PRDX2: variants seen among roughly 807,000 people sequenced by gnomAD.
PRDX2 encodes peroxiredoxin-2.
In PRDX2, 10 loss-of-function variants were observed where a neutral mutation model predicts 19.8. The observed-to-expected ratio is 0.50, with a 90% CI of 0.31 to 0.86. The LOEUF (loss-of-function observed/expected upper bound fraction) is 0.86, where lower values mean the gene tolerates loss of function less well. PRDX2 is among the 40% of genes least tolerant of loss of function. PRDX2 has a pLI of 0.04. For synonymous variants in PRDX2, 118 were observed against 108.2 expected (o/e 1.09, Z -0.56); for missense variants, 226 against 260.1 (o/e 0.87, Z 0.90).
At chr19:12,800,437 C>T in intron 3 of PRDX2, 138 bp from the exon 4 acceptor site, 2 of 1,176,122 alleles carry the variant, frequency 1.7e-6, no homozygotes, top group Non-Finnish European at 2.4e-6. Context: ...CTCACCCACC[C>T]CACCCTGGGT....
intron 3 of PRDX2, chr19:12,800,640 A>G (rs1217133933): frequency 7.2e-7 from 1 of 1,379,552 alleles, no homozygotes; most frequent in African/African-American, 1.5e-5. Context: ...TTCCATCTTC[A>G]TGAAATAGGG....
intron 5 of PRDX2, among the ~76,000 whole-genome samples, chr19:12,798,650 C>CTT (rs1473836290): frequency 7.7e-6 from 1 of 129,112 alleles, no homozygotes; most frequent in African/African-American, 3.5e-5. Context: ...TGCATCTGGC[C>CTT]TCTTTTTTTT....
At position 12,799,958 on chromosome 19, in the gene PRDX2, G is replaced by T. The variant is rs770056413; in HGVS notation, c.412C>A (p.Leu138Ile). Residue 138 changes from leucine to isoleucine, a missense_variant, in exon 5 of 6, where the codon CTT becomes ATT. Coordinates refer to ENST00000301522, the MANE Select transcript of PRDX2 (RefSeq NM_005809.6). ...GLFIIDGKGV[L>I]RQITVNDLPV... ...AAATCATTAACAGTGATCTGGCGAA[G>T]GACACCCTTGCCATCGATGATAAAG... is the stretch of plus-strand genomic sequence containing the variant. The T allele has an allele frequency of 1.2e-6, 2 of 1,613,976 alleles. No homozygotes were observed. The highest frequency in any genetic ancestry group is 1.7e-6 in the Non-Finnish European group (2 of 1,179,962).
Position 12,800,978 on chromosome 19 carries a change from G to C in PRDX2, c.195C>G (p.Phe65Leu), listed in dbSNP as rs1392275167. ...IIAFSNRAEDFRKLGCEVLGV... is the reference protein window; with the variant it reads ...IIAFSNRAEDLRKLGCEVLGV... ...CCAGCACTTCACAGCCCAGCTTGCG[G>C]AAGTCCTCTGCACGGTTGCTGAACG... The change falls in exon 3 of 6, where the codon TTC becomes TTG. Residue 65 changes from phenylalanine (F) to leucine (L), a missense_variant. Physicochemically the swap from Phe to Leu is conservative, Grantham distance 22 (BLOSUM62 0). Transcript: ENST00000301522. 6.2e-7 allele frequency: 1 copy of C among 1,612,122 alleles called. No individual in the cohort carries two copies. The highest frequency in any genetic ancestry group is 2.2e-5 in the East Asian group (1 of 44,890).
At chr19:12,798,340 C>T (rs957836027) in intron 5 of PRDX2, among the ~76,000 whole-genome samples, 4 of 149,596 alleles carry the variant, frequency 2.7e-5, no homozygotes, top group African/African-American at 7.4e-5. Context: ...CCACCGTGCC[C>T]GGCCTCTTTT....
Position 12,800,945 on chromosome 19 carries a change from C to G in PRDX2, c.228G>C (p.Ser76=), listed in dbSNP as rs376098373. The G allele has an allele frequency of 6.2e-7, 1 of 1,611,040 alleles. No individual in the cohort carries two copies. The highest frequency in any genetic ancestry group is 8.5e-7 in the Non-Finnish European group (1 of 1,179,550). ...CCAGGTGGGTGAACTGAGAGTCCAC[C>G]GAGACGCCCAGCACTTCACAGCCCA... The part of the protein sequence containing the change: ...RKLGCEVLGV[S]VDSQFTHLAW... The change falls in exon 3 of 6, where the codon TCG becomes TCC. Residue 76 remains serine, a synonymous_variant. Coordinates refer to ENST00000301522, the MANE Select transcript of PRDX2 (RefSeq NM_005809.6).
Position 12,800,701 on chromosome 19 carries a change from A to C in PRDX2, c.257+215T>G, listed in dbSNP as rs377076557. 110 of 1,469,072 alleles carry C rather than the reference A, an allele frequency of 7.5e-5. No homozygotes were observed. The African/African-American group carries it at 1.5e-3, about 20-fold the overall frequency. 91.0% of individuals were successfully genotyped at this position (1,469,072 alleles called of 1,614,324 possible). ...AAGTACATAGAGTAGATAGAGTTGC[A>C]TCTGAGTTGCATCTGCAACTCTATA... On this transcript the variant is annotated intron_variant, in intron 3 of 5. Transcript: ENST00000301522.
chr19:12,800,464 AT>A, intron 3 of PRDX2, 165 bp from the exon 4 acceptor site: 1 of 947,380 alleles, frequency 1.1e-6, no homozygotes, highest in Non-Finnish European at 1.6e-6. Context: ...CAAGGACTGT[AT>A]CCCCATGGCT....
At chr19:12,798,087 C>T (rs1433826453) in intron 5 of PRDX2, among the ~76,000 whole-genome samples, 1 of 151,894 alleles carries the variant, frequency 6.6e-6, no homozygotes, top group Non-Finnish European at 1.5e-5. Context: ...CTCTGTTGCC[C>T]AGGCTGGAGT....
chr19:12,800,342 C>T (rs747649815), intron 3 of PRDX2, 43 bp from the exon 4 acceptor site: 1 of 1,594,228 alleles, frequency 6.3e-7, no homozygotes, highest in East Asian at 2.2e-5. Context: ...GGATGCCTGG[C>T]ACAGCAGGGT....
Position 12,798,652 on chromosome 19 carries a change from C to CTTTTT in PRDX2, c.511+1202_511+1206dup, listed in dbSNP as rs1014273912. 7.1e-4 allele frequency among the ~76,000 whole-genome samples: 68 copies of CTTTTT among 95,152 alleles called. 1 individual carries two copies. Among genetic ancestry groups the CTTTTT allele is most frequent in the African/African-American group, 2.7e-3 (62 of 22,598 alleles). 62.4% of individuals were successfully genotyped at this position (95,152 alleles called of 152,430 possible). ...AGGTGTGAGCCACTGCATCTGGCCT[C>CTTTTT]TTTTTTTTTTTTTTTTTTTTTAACC... On this transcript the variant is annotated intron_variant, in intron 5 of 5. Coordinates refer to ENST00000301522, the MANE Select transcript of PRDX2 (RefSeq NM_005809.6).
At chr19:12,801,573 C>A (rs933627645) in intron 1 of PRDX2, among the ~76,000 whole-genome samples, 167 bp downstream of exon 1, 2 of 152,220 alleles carry the variant, frequency 1.3e-5, no homozygotes, top group Non-Finnish European at 2.9e-5. Flanking sequence ...GGCGGGAAGT[C>A]GGGCGATCAG....
Position 12,800,989 on chromosome 19 carries a change from C to A in PRDX2, c.184G>T (p.Ala62Ser). 3.1e-6 allele frequency: 5 copies of A among 1,612,488 alleles called. No individual in the cohort carries two copies. In the East Asian group the frequency reaches 6.7e-5, roughly 22 times the overall value. ...CAGCCCAGCTTGCGGAAGTCCTCTG[C>A]ACGGTTGCTGAACGCGATGATCTCG... ...PTEIIAFSNR[A>S]EDFRKLGCEV... The change falls in exon 3 of 6, where the codon GCA becomes TCA. Residue 62 changes from alanine to serine, a missense_variant. Transcript: ENST00000301522.
intron 3 of PRDX2, chr19:12,800,531 T>G: frequency 1.3e-6 from 1 of 787,456 alleles, no homozygotes; most frequent in Non-Finnish European, 1.9e-6. Flanking sequence ...CATGTACTTG[T>G]AACTTGCAGC....
At position 12,801,035 on chromosome 19, in the gene PRDX2, G is replaced by A. The variant is rs1265401929; in HGVS notation, c.138C>T (p.Asp46=). ...TCTCGGTGGGGCACACAAAAGTGAA[G>A]TCCAGAGGGTAGAAAAAGAGGACCA... ...KYVVLFFYPL[D]FTFVCPTEII... is the part of the protein sequence containing the mutation. The change falls in exon 3 of 6, where the codon GAC becomes GAT. Residue 46 remains aspartate, a synonymous_variant. Coordinates refer to ENST00000301522, the MANE Select transcript of PRDX2 (RefSeq NM_005809.6). The A allele has an allele frequency of 6.2e-7, 1 of 1,601,684 alleles. No individual in the cohort carries two copies. Among genetic ancestry groups the A allele is most frequent in the Admixed American group, 1.7e-5 (1 of 59,028 alleles).
In PRDX2 at chr19:12,800,798, T is replaced by C. The variant is rs1346891785; in HGVS notation, c.257+118A>G. 6 of 1,548,512 alleles carry C rather than the reference T, an allele frequency of 3.9e-6. No individual in the cohort carries two copies. In the Admixed American group the frequency reaches 1.2e-4, roughly 31 times the overall value. On this transcript the variant is annotated intron_variant, in intron 3 of 5. Transcript: ENST00000301522. ...AAGACTTGGGCGGCAATGTTTCCATTATTTTCACGATGGGGAAACGCAGGT... is the reference window on the plus strand; with the variant it reads ...AAGACTTGGGCGGCAATGTTTCCATCATTTTCACGATGGGGAAACGCAGGT...
intron 5 of PRDX2, among the ~76,000 whole-genome samples, chr19:12,799,153 C>T (rs1387730434): frequency 6.6e-6 from 1 of 151,902 alleles, no homozygotes; most frequent in Non-Finnish European, 1.5e-5. Flanking sequence ...CCCGCCTCGG[C>T]CTCCCAAAGT....
chr19:12,796,957 G>C lies in PRDX2; in HGVS notation c.*124C>G. 1 of 908,792 alleles carries C rather than the reference G, an allele frequency of 1.1e-6. No individual in the cohort carries two copies. Among genetic ancestry groups the C allele is most frequent in the South Asian group, 1.5e-5 (1 of 64,594 alleles). 56.3% of individuals were successfully genotyped at this position (908,792 alleles called of 1,614,324 possible). ...GCCTAGCCCTCCAGGGTCCCATACT[G>C]TGGAGTTTGGAGGGGCAGGTCTGGC... On this transcript the variant is annotated 3_prime_UTR_variant, in exon 6 of 6. Coordinates refer to ENST00000301522, the MANE Select transcript of PRDX2 (RefSeq NM_005809.6).
Position 12,796,853 on chromosome 19 carries a change from C to G in PRDX2, c.*228G>C. The G allele has an allele frequency of 1.8e-6, 1 of 563,296 alleles. No individual in the cohort carries two copies. Among genetic ancestry groups the G allele is most frequent in the South Asian group, 2.3e-5 (1 of 44,404 alleles). The allele number at this position is 563,296 out of a possible 1,614,324, so 34.9% of individuals were successfully genotyped here. On this transcript the variant is annotated 3_prime_UTR_variant, in exon 6 of 6. Transcript: ENST00000301522. Reference sequence around the variant, plus strand: ...TTCCCTAATACTTTATTGGTTACCTCTAGGCCTGTGTGCGGCTGGGTGGGC... The same window carrying G: ...TTCCCTAATACTTTATTGGTTACCTGTAGGCCTGTGTGCGGCTGGGTGGGC...
Sources: allele counts gnomAD v4.1 joint callset (sites outside exome capture counted in the v4.1 genomes callset), GRCh38; gene constraint gnomAD v4.1.1; transcripts MANE v1.5; gene names NCBI Gene and HGNC (gene_info 2026-07-23, HGNC 2026-07-21).